THRB: variants seen among roughly 807,000 people sequenced by gnomAD.
THRB encodes thyroid hormone receptor beta, also known as nuclear receptor subfamily 1 group A member 2.
In THRB, 12 loss-of-function variants were observed where a neutral mutation model predicts 47.8. The ratio of observed to expected loss-of-function variants is 0.25; its 90% CI spans 0.16 to 0.41. THRB has a LOEUF of 0.41. Ranked by LOEUF, THRB falls within the 10% of genes least tolerant of loss-of-function variation. The pLI is 1.00. For missense variants in THRB, 348 were observed against 589.2 expected, an observed-to-expected ratio of 0.59 and a Z score of 4.24; for synonymous variants, 218 against 212.2, an observed-to-expected ratio of 1.03 and a Z score of -0.24.
chr3:24,218,093 C>T (rs1042768767), intron 4 of THRB, among the ~76,000 whole-genome samples: 1 of 151,896 alleles, frequency 6.6e-6, no homozygotes, highest in Admixed American at 6.6e-5. Flanking sequence ...CGTGAAACCT[C>T]GTCTCTACTA....
intron 1 of THRB, among the ~76,000 whole-genome samples, chr3:24,349,847 CAAT>C (rs983085941): frequency 7.9e-5 from 12 of 151,730 alleles, no homozygotes; most frequent in African/African-American, 2.9e-4. Flanking sequence ...AATAAGTAAA[CAAT>C]AAATGTTAAA....
At chr3:24,173,675 C>T (rs192552154) in intron 5 of THRB, among the ~76,000 whole-genome samples, 55 of 152,328 alleles carry the variant, frequency 3.6e-4, no homozygotes, top group Admixed American at 3.1e-3. Context: ...TATCCCTGGA[C>T]AGTTCTTTTC....
At chr3:24,470,722 T>C (rs909864132) in intron 1 of THRB, among the ~76,000 whole-genome samples, 2 of 152,174 alleles carry the variant, frequency 1.3e-5, no homozygotes, top group Non-Finnish European at 2.9e-5. Context: ...GTTCAAGCAA[T>C]TCTCCTGCCT....
intron 3 of THRB, among the ~76,000 whole-genome samples, chr3:24,291,073 C>A (rs80220211): frequency 0.012 from 1,793 of 152,244 alleles, 27 homozygotes; most frequent in African/African-American, 0.035. Context: ...CTTAATGTAC[C>A]TTTCCACACC....
At chr3:24,158,459 A>C (rs2038237145) in intron 5 of THRB, among the ~76,000 whole-genome samples, 2 of 146,472 alleles carry the variant, frequency 1.4e-5, no homozygotes, top group African/African-American at 5.2e-5. Flanking sequence ...GACGAGTTTC[A>C]CTCTTGTTGA....
chr3:24,241,290 C>T (rs1228465759), intron 3 of THRB, among the ~76,000 whole-genome samples: 1 of 152,184 alleles, frequency 6.6e-6, no homozygotes, highest in Non-Finnish European at 1.5e-5. Context: ...GCTTTGCTCA[C>T]CGTCTCCAGG....
chr3:24,285,872 G>T (rs935178597), intron 3 of THRB, among the ~76,000 whole-genome samples: 1 of 152,138 alleles, frequency 6.6e-6, no homozygotes, highest in African/African-American at 2.4e-5. Flanking sequence ...CTAAATGTTT[G>T]TGTCTTCCTC....
intron 1 of THRB, among the ~76,000 whole-genome samples, chr3:24,346,104 T>C (rs1559984807): frequency 6.6e-6 from 1 of 152,126 alleles, no homozygotes; most frequent in South Asian, 2.1e-4. Flanking sequence ...AAATACGCAG[T>C]AAATCTAAAT....
intron 1 of THRB, among the ~76,000 whole-genome samples, chr3:24,476,821 T>A (rs1695523918): frequency 3.3e-5 from 5 of 152,192 alleles, no homozygotes; most frequent in Admixed American, 6.5e-5. Context: ...CTTATTGTTA[T>A]TGCCTTGCAT....
intron 10 of THRB, 131 bp from the exon 11 acceptor site, chr3:24,123,256 A>G: frequency 2.2e-6 from 3 of 1,335,940 alleles, no homozygotes; most frequent in Admixed American, 3.5e-5. Context: ...GCATGGATGC[A>G]GCGTGAACTC....
intron 1 of THRB, chr3:24,348,914 G>A (rs1425431841): frequency 2.0e-5 from 3 of 152,070 alleles, no homozygotes; most frequent in Non-Finnish European, 4.4e-5. Context: ...GAAAAAGGAA[G>A]AGATAAAACT....
intron 3 of THRB, among the ~76,000 whole-genome samples, chr3:24,286,300 A>G (rs768707489): frequency 2.0e-5 from 3 of 152,172 alleles, no homozygotes; most frequent in Non-Finnish European, 4.4e-5. Flanking sequence ...CAATACCAAC[A>G]TGCTTTCATA....
At position 24,146,694 on chromosome 3, in the gene THRB, A is replaced by G. The variant is rs1239484809; in HGVS notation, c.513T>C (p.Tyr171=). Residue 171 remains tyrosine (Y), a synonymous_variant, in exon 7 of 11, where the codon TAT becomes TAC. Coordinates refer to ENST00000646209, the MANE Select transcript of THRB (RefSeq NM_001354712.2). ...CQECRFKKCI[Y]VGMATDLVLD... Reference sequence around the variant, plus strand: ...ACTTACAATCTGTTGCCATGCCAACATAGATGCATTTCTTAAAGCGACATT... The same window carrying G: ...ACTTACAATCTGTTGCCATGCCAACGTAGATGCATTTCTTAAAGCGACATT... The G allele has an allele frequency of 1.9e-6, 3 of 1,614,112 alleles. No individual in the cohort carries two copies. The highest frequency in any genetic ancestry group is 1.7e-5 in the Admixed American group (1 of 60,008).
intron 1 of THRB, among the ~76,000 whole-genome samples, chr3:24,369,703 C>A (rs2064765429): frequency 6.6e-6 from 1 of 152,122 alleles, no homozygotes; most frequent in African/African-American, 2.4e-5. Flanking sequence ...TTTCACTGTT[C>A]CAAATTTAAA....
intron 8 of THRB, among the ~76,000 whole-genome samples, chr3:24,134,453 T>G (rs1341946998): frequency 6.6e-6 from 1 of 152,124 alleles, no homozygotes; most frequent in Non-Finnish European, 1.5e-5. Context: ...GCCAGCCACT[T>G]TGCACACTAC....
In THRB at chr3:24,190,212, A is replaced by G. The variant is rs764343535; in HGVS notation, c.145T>C (p.Leu49=). Residue 49 remains leucine (L), a synonymous_variant, in exon 5 of 11, where the codon TTG becomes CTG. Transcript: ENST00000646209. The part of the protein sequence containing the change: ...RKSHSERRST[L]KNEQSSPHLI... Reference sequence around the variant, plus strand: ...TGTGGCGACGACTGTTCATTTTTCAACGTGCTGCGCCTCTCTGAATGGCTC... The same window carrying G: ...TGTGGCGACGACTGTTCATTTTTCAGCGTGCTGCGCCTCTCTGAATGGCTC... The G allele has an allele frequency of 6.2e-7, 1 of 1,614,090 alleles. No individual in the cohort carries two copies. The highest frequency in any genetic ancestry group is 1.7e-5 in the Admixed American group (1 of 60,008).
intron 1 of THRB, among the ~76,000 whole-genome samples, chr3:24,461,113 A>G (rs1167223657): frequency 6.6e-6 from 1 of 152,218 alleles, no homozygotes; most frequent in East Asian, 1.9e-4. Flanking sequence ...AAGGTCAAGA[A>G]CCACTGCTAA....
chr3:24,470,384 C>T (rs1013032570), intron 1 of THRB, among the ~76,000 whole-genome samples: 3 of 152,196 alleles, frequency 2.0e-5, no homozygotes, highest in South Asian at 2.1e-4. Context: ...TTACACTTCA[C>T]GTGACTGCCT....
intron 2 of THRB, among the ~76,000 whole-genome samples, chr3:24,319,806 G>A (rs1432672043): frequency 6.6e-6 from 1 of 152,232 alleles, no homozygotes; most frequent in African/African-American, 2.4e-5. Flanking sequence ...TTCAGAGAAT[G>A]GGTCATATAC....
Sources: gnomAD v4.1 joint callset for allele counts (sites outside exome capture counted in the v4.1 genomes callset) on GRCh38, gnomAD v4.1.1 for gene constraint, MANE v1.5 for transcripts, NCBI Gene and HGNC (gene_info 2026-07-23, HGNC 2026-07-21) for gene names.